CFAP46: variants seen among roughly 807,000 people sequenced by gnomAD.
CFAP46 encodes the protein cilia- and flagella-associated protein 46.
CFAP46 carries 245 observed loss-of-function variants against 325.7 expected under a neutral mutation model. That is an observed-to-expected ratio of 0.75 (90% CI 0.68 to 0.84). The LOEUF (loss-of-function observed/expected upper bound fraction) is 0.84, where lower values mean the gene tolerates loss of function less well. Ranked by LOEUF, CFAP46 falls within the 40% of genes least tolerant of loss-of-function variation. CFAP46 has a pLI of 0.00. For synonymous variants in CFAP46, 1,523 were observed against 1,495.9 expected (o/e 1.02, Z -0.42); for missense variants, 3,346 against 3,543.0 (o/e 0.94, Z 1.41).
In CFAP46 at chr10:132,870,624, C is replaced by T. The variant is rs530621913; in HGVS notation, c.4512-1252G>A. Among the ~76,000 whole-genome samples the T allele has an allele frequency of 6.6e-5, 10 of 152,286 alleles. No homozygotes were observed. The South Asian group carries it at 1.5e-3, about 22-fold the overall frequency. On this transcript the variant is annotated intron_variant, in intron 32 of 57. Coordinates refer to ENST00000368586, the MANE Select transcript of CFAP46 (RefSeq NM_001200049.3). ...AACCAGTCACAATATTCCTTCAGGC[C>T]GAAGTCTCATCCAGAGCCAGGCCCT...
At chr10:132,870,407 G>C (rs571847645) in intron 32 of CFAP46, among the ~76,000 whole-genome samples, 6 of 152,300 alleles carry the variant, frequency 3.9e-5, no homozygotes, top group African/African-American at 9.6e-5. Flanking sequence ...GTTCAGTGAG[G>C]AAAGCGCGTC....
At chr10:132,867,803 T>C (rs756667859) in intron 33 of CFAP46, among the ~76,000 whole-genome samples, 1 of 152,136 alleles carries the variant, frequency 6.6e-6, no homozygotes, top group Non-Finnish European at 1.5e-5. Context: ...CCGGCCCCGC[T>C]GTGCCTCCCG....
At chr10:132,893,804 CCTT>C (rs1455045093) in intron 24 of CFAP46, among the ~76,000 whole-genome samples, 2 of 152,254 alleles carry the variant, frequency 1.3e-5, no homozygotes, top group African/African-American at 4.8e-5. Flanking sequence ...CTCTGTCTCT[CCTT>C]CTGCTTTATG....
chr10:132,844,743 G>A (rs192535852), intron 44 of CFAP46, among the ~76,000 whole-genome samples: 309 of 152,272 alleles, frequency 2.0e-3, no homozygotes, highest in Non-Finnish European at 2.6e-3. Context: ...GCAGCCGTGC[G>A]GGAGGGAGAG....
At chr10:132,861,943 C>A (rs1364729868) in intron 35 of CFAP46, among the ~76,000 whole-genome samples, 1 of 152,204 alleles carries the variant, frequency 6.6e-6, no homozygotes, top group African/African-American at 2.4e-5. Context: ...CCGTTCCATG[C>A]ATTTAGATGC....
chr10:132,940,212 C>T (rs1159991078), intron 4 of CFAP46, among the ~76,000 whole-genome samples: 1 of 152,144 alleles, frequency 6.6e-6, no homozygotes, highest in Non-Finnish European at 1.5e-5. Flanking sequence ...GACAAGCAGG[C>T]CGATGTGGGT....
chr10:132,809,437 G>A (rs1847533707), intron 57 of CFAP46, among the ~76,000 whole-genome samples: 1 of 152,256 alleles, frequency 6.6e-6, no homozygotes, highest in Admixed American at 6.5e-5. Context: ...TGCATTTGCA[G>A]GGATGAGTGT....
chr10:132,898,749 G>C (rs1849351085), intron 24 of CFAP46: 2 of 687,392 alleles, frequency 2.9e-6, no homozygotes, highest in Non-Finnish European at 5.3e-6. Flanking sequence ...TGCTGGGAGA[G>C]GTCAGGTCTG....
intron 31 of CFAP46, among the ~76,000 whole-genome samples, chr10:132,875,461 G>T (rs967024285): frequency 7.2e-5 from 11 of 152,234 alleles, no homozygotes; most frequent in African/African-American, 2.7e-4. Flanking sequence ...ATGAGGTAAG[G>T]AGATTTTCTC....
At chr10:132,858,668 C>T (rs540223633) in intron 38 of CFAP46, among the ~76,000 whole-genome samples, 2 of 152,096 alleles carry the variant, frequency 1.3e-5, no homozygotes, top group African/African-American at 4.8e-5. Flanking sequence ...CAGGGCTGTG[C>T]TCGGGATGTG....
rs1362829465 is a variant in CFAP46, at chr10:132,909,931, G to A, written c.2637C>T (p.Gly879=). ...LLQQQIGPRL[G]TEEQGTNEDV... ...CAGGGGCGCCCACCTGCTCCTCGGTGCCCAGCCGTGGCCCAATCTGCTGCT... is the reference window on the plus strand; with the variant it reads ...CAGGGGCGCCCACCTGCTCCTCGGTACCCAGCCGTGGCCCAATCTGCTGCT... Residue 879 remains glycine (G), a synonymous_variant, in exon 20 of 58, where the codon GGC becomes GGT. Transcript: ENST00000368586. The A allele has an allele frequency of 2.7e-6, 4 of 1,488,344 alleles. No individual in the cohort carries two copies. Among genetic ancestry groups the A allele is most frequent in the Non-Finnish European group, 3.6e-6 (4 of 1,120,558 alleles). 92.2% of individuals were successfully genotyped at this position (1,488,344 alleles called of 1,614,324 possible). A position where few individuals can be genotyped will look rare whatever the true frequency, so the allele number is the denominator to read the frequency against.
In CFAP46 at chr10:132,885,743, T is replaced by G. The variant is rs528170913; in HGVS notation, c.3443+78A>C. Reference sequence around the variant, plus strand: ...GTGGGTGGAGCACTCACAGGCGGTGTGGGGAGCACTCACAGGCGGTGGGGG... The same window carrying G: ...GTGGGTGGAGCACTCACAGGCGGTGGGGGGAGCACTCACAGGCGGTGGGGG... On this transcript the variant is annotated intron_variant, in intron 26 of 57. Coordinates refer to ENST00000368586, the MANE Select transcript of CFAP46 (RefSeq NM_001200049.3). 5,973 of 1,260,624 alleles carry G rather than the reference T, an allele frequency of 4.7e-3. 210 individuals are homozygous for G. In the African/African-American group the frequency reaches 0.097, roughly 20 times the overall value. 78.1% of individuals were successfully genotyped at this position (1,260,624 alleles called of 1,614,324 possible). A position where few individuals can be genotyped will look rare whatever the true frequency, so the allele number is the denominator to read the frequency against.
In CFAP46 at chr10:132,827,693, A is replaced by G. The variant is rs1177871168; in HGVS notation, c.7117+5665T>C. On this transcript the variant is annotated intron_variant, in intron 50 of 57. Coordinates refer to ENST00000368586, the MANE Select transcript of CFAP46 (RefSeq NM_001200049.3). The surrounding 1 kb of genome is among the most constrained non-coding windows in gnomAD (Gnocchi z 5.7). ...GCAAGTCATCGCCACAGCGAAGGTC[A>G]CGGCACACCCAGCCCCAGGAGCTTC... Among the ~76,000 whole-genome samples, 1 of 152,010 alleles carries G rather than the reference A, an allele frequency of 6.6e-6. No individual in the cohort carries two copies. The highest frequency in any genetic ancestry group is 2.4e-5 in the African/African-American group (1 of 41,386).
At chr10:132,810,830 C>G in intron 56 of CFAP46, 120 bp downstream of exon 56, 1 of 913,628 alleles carries the variant, frequency 1.1e-6, no homozygotes, top group Non-Finnish European at 1.7e-6. Flanking sequence ...TGCACCCTGA[C>G]AGCTCTCACC....
At position 132,912,684 on chromosome 10, in the gene CFAP46, C is replaced by T; in HGVS notation, c.2470G>A (p.Ala824Thr). 6.5e-7 allele frequency: 1 copy of T among 1,549,728 alleles called. No homozygotes were observed. The highest frequency in any genetic ancestry group is 8.7e-7 in the Non-Finnish European group (1 of 1,146,930). Reference sequence around the variant, plus strand: ...ACCGCTGTTTTGATCTCGGAAGTGGCTCCTGCGTCCAGTGGGCTGTGAAAC... The same window carrying T: ...ACCGCTGTTTTGATCTCGGAAGTGGTTCCTGCGTCCAGTGGGCTGTGAAAC... ...NAFHSPLDAGATSEIKTAVEV... is the reference protein window; with the variant it reads ...NAFHSPLDAGTTSEIKTAVEV... The change falls in exon 19 of 58, where the codon GCC becomes ACC. Residue 824 changes from alanine (A) to threonine (T), a missense_variant. Coordinates refer to ENST00000368586, the MANE Select transcript of CFAP46 (RefSeq NM_001200049.3).
At chr10:132,907,145 G>A (rs527485492) in intron 22 of CFAP46, among the ~76,000 whole-genome samples, 7 of 152,390 alleles carry the variant, frequency 4.6e-5, no homozygotes, top group South Asian at 2.1e-4. Context: ...CCTTGCCTCC[G>A]GCAGGTGCTG....
intron 17 of CFAP46, among the ~76,000 whole-genome samples, chr10:132,913,900 G>A (rs1849598129): frequency 6.6e-6 from 1 of 150,892 alleles, no homozygotes; most frequent in South Asian, 2.1e-4. Context: ...TTTCCCAGCA[G>A]CCCCCTCGTT....
intron 43 of CFAP46, 81 bp downstream of exon 43, chr10:132,846,851 A>G (rs528688933): frequency 2.1e-4 from 317 of 1,474,942 alleles, no homozygotes; most frequent in African/African-American, 2.0e-3. Context: ...AGTCCCCCCA[A>G]GGCGAGGGCC....
rs748875964 is a variant in CFAP46, at chr10:132,857,729, T to C, written c.5435A>G (p.Tyr1812Cys). ...AGCTACGGCACCCTGGGCCAGGCCA[T>C]ACGCTTCCAAGTAATACGCAGTTTT... ...EQKTAYYLEAYGLAQGAVAEE... is the reference protein window; with the variant it reads ...EQKTAYYLEACGLAQGAVAEE... Residue 1812 changes from tyrosine (Y) to cysteine (C), a missense_variant, in exon 39 of 58, where the codon TAT (tyrosine) becomes TGT (cysteine). Physicochemically the swap from Tyr to Cys is radical, Grantham distance 194. Coordinates refer to ENST00000368586, the MANE Select transcript of CFAP46 (RefSeq NM_001200049.3). The C allele has an allele frequency of 6.2e-7, 1 of 1,608,600 alleles. No individual in the cohort carries two copies. Among genetic ancestry groups the C allele is most frequent in the Non-Finnish European group, 8.5e-7 (1 of 1,177,626 alleles).
Sources: allele counts gnomAD v4.1 joint callset (sites outside exome capture counted in the v4.1 genomes callset), GRCh38; gene constraint gnomAD v4.1.1; non-coding constraint Gnocchi (gnomAD v3.1); transcripts MANE v1.5; gene names NCBI Gene and HGNC (gene_info 2026-07-23, HGNC 2026-07-21).